Variants in CDH13 observed in about 807,000 individuals in gnomAD.
The protein encoded by CDH13 is cadherin 13, also known as cadherin-13.
In CDH13, 24 loss-of-function variants were observed where a neutral mutation model predicts 63.8. The observed-to-expected ratio is 0.38, with a 90% CI of 0.27 to 0.53. The LOEUF (loss-of-function observed/expected upper bound fraction) is 0.53. CDH13 is among the 20% of genes least tolerant of loss of function. The pLI is 0.85. For missense variants in CDH13, 1,049 were observed against 903.1 expected (o/e 1.16, Z -2.07); for synonymous variants, 503 against 355.3 (o/e 1.42, Z -4.67).
At chr16:83,110,129 T>C (rs1306616262) in intron 3 of CDH13, among the ~76,000 whole-genome samples, 1 of 152,232 alleles carries the variant, frequency 6.6e-6, no homozygotes, top group Non-Finnish European at 1.5e-5. Context: ...TTTTCAAATA[T>C]AGAGCTGGAT....
intron 7 of CDH13, among the ~76,000 whole-genome samples, chr16:83,554,739 A>G (rs116633421): frequency 0.011 from 1,719 of 152,274 alleles, 43 homozygotes; most frequent in African/African-American, 0.039. Context: ...TGCCTGTCCA[A>G]GTACAGACTG....
chr16:83,460,989 A>G (rs1215341506), intron 6 of CDH13, among the ~76,000 whole-genome samples: 3 of 122,046 alleles, frequency 2.5e-5, no homozygotes, highest in East Asian at 6.0e-4. Flanking sequence ...CAAAACACAC[A>G]CACACGCACA....
intron 5 of CDH13, among the ~76,000 whole-genome samples, chr16:83,319,517 G>A (rs1050034337): frequency 4.6e-5 from 7 of 152,124 alleles, no homozygotes; most frequent in African/African-American, 1.7e-4. Flanking sequence ...ATTGAATATC[G>A]GAGAACAGTA....
intron 1 of CDH13, among the ~76,000 whole-genome samples, chr16:82,789,250 G>T (rs2036170828): frequency 6.6e-6 from 1 of 152,140 alleles, no homozygotes; most frequent in Non-Finnish European, 1.5e-5. Flanking sequence ...ACGAAGAGTA[G>T]GTGTTCCTCA....
intron 6 of CDH13, among the ~76,000 whole-genome samples, chr16:83,467,550 G>A (rs1008285347): frequency 2.0e-5 from 3 of 152,186 alleles, no homozygotes; most frequent in Admixed American, 2.0e-4. Context: ...GAACAGAACT[G>A]GCAACCGCTT....
intron 2 of CDH13, among the ~76,000 whole-genome samples, chr16:82,875,540 T>C (rs1229711280): frequency 6.6e-6 from 1 of 152,214 alleles, no homozygotes; most frequent in Non-Finnish European, 1.5e-5. Flanking sequence ...TTCAAACTTT[T>C]ACAGTGAATG....
chr16:83,217,440 C>T lies in CDH13; in HGVS notation c.579C>T (p.Asn193=). The T allele has an allele frequency of 1.2e-6, 2 of 1,613,914 alleles. No individual in the cohort carries two copies. The highest frequency in any genetic ancestry group is 1.7e-6 in the Non-Finnish European group (2 of 1,179,806). Residue 193 remains asparagine (N), a synonymous_variant, in exon 5 of 14, where the codon AAC becomes AAT. Coordinates refer to ENST00000567109, the MANE Select transcript of CDH13 (RefSeq NM_001257.5). ...AAGGAATTTTCAGAATCAATGAGAA[C>T]ACAGGGAGCGTCTCCGTGACACGGA... is the stretch of plus-strand genomic sequence containing the variant. ...EPKGIFRINE[N]TGSVSVTRTL... is the part of the protein sequence containing the mutation.
chr16:83,712,951 C>T (rs1016997188), intron 10 of CDH13, among the ~76,000 whole-genome samples: 7 of 152,312 alleles, frequency 4.6e-5, no homozygotes, highest in Middle Eastern at 3.4e-3. Flanking sequence ...AGTAACAGTA[C>T]GATTCTGAGC....
At chr16:83,028,443 G>T (rs1430360172) in intron 2 of CDH13, among the ~76,000 whole-genome samples, 1 of 152,092 alleles carries the variant, frequency 6.6e-6, no homozygotes, top group Non-Finnish European at 1.5e-5. Context: ...GCGATCAAAA[G>T]GCACCGCAGC....
rs558968553 is a variant in CDH13, at chr16:83,046,557, A to G, written c.366+14339A>G. 1.4e-4 allele frequency among the ~76,000 whole-genome samples: 22 copies of G among 152,344 alleles called. No individual in the cohort carries two copies. The South Asian group carries it at 4.1e-3, about 29-fold the overall frequency. On this transcript the variant is annotated intron_variant, in intron 3 of 13. Transcript: ENST00000567109. ...AGGAAAATTTCAAATGCAAACAAAA[A>G]TCACATCTTATAGCTCTTAGCAATT...
chr16:83,036,596 G>A (rs1007458228), intron 3 of CDH13, among the ~76,000 whole-genome samples: 5 of 152,120 alleles, frequency 3.3e-5, no homozygotes, highest in Admixed American at 6.6e-5. Context: ...GACCAGCTCA[G>A]TGCCCTTCCC....
chr16:82,718,180 G>A (rs569310985), intron 1 of CDH13, among the ~76,000 whole-genome samples: 4 of 152,344 alleles, frequency 2.6e-5, no homozygotes, highest in South Asian at 4.1e-4. Flanking sequence ...GGCAGCTGGA[G>A]CTGAATCCCA....
chr16:83,478,570 C>T (rs967543246), intron 6 of CDH13, among the ~76,000 whole-genome samples: 1 of 152,166 alleles, frequency 6.6e-6, no homozygotes, highest in Non-Finnish European at 1.5e-5. Context: ...ATAACAACCC[C>T]TGGATAACTG....
rs1348655612 is a variant in CDH13 at position 83,730,967 on chromosome 16, A to G, written c.1539-17141A>G. 4.6e-5 allele frequency among the ~76,000 whole-genome samples: 7 copies of G among 152,244 alleles called. No homozygotes were observed. The East Asian group carries it at 1.3e-3, about 29-fold the overall frequency. ...GCTTAGGTTAATGGCCTCCAGCTGC[A>G]TCCATGTTGCTGCAAAGAACACAAT... is the stretch of plus-strand genomic sequence containing the variant. On this transcript the variant is annotated intron_variant, in intron 10 of 13. Transcript: ENST00000567109.
intron 1 of CDH13, among the ~76,000 whole-genome samples, chr16:82,776,891 G>T (rs1261487867): frequency 1.3e-5 from 2 of 152,170 alleles, no homozygotes; most frequent in Non-Finnish European, 2.9e-5. Flanking sequence ...GTGGAAGCTA[G>T]ACATTCAGAG....
intron 4 of CDH13, among the ~76,000 whole-genome samples, chr16:83,205,172 C>G (rs2039144805): frequency 6.6e-6 from 1 of 152,226 alleles, no homozygotes; most frequent in African/African-American, 2.4e-5. Flanking sequence ...TGACTTAAAG[C>G]AGAACAACCA....
chr16:82,836,748 C>T (rs1302789257), intron 1 of CDH13, among the ~76,000 whole-genome samples: 1 of 152,186 alleles, frequency 6.6e-6, no homozygotes, highest in African/African-American at 2.4e-5. Context: ...TAGAAAGGCT[C>T]TACCCCAACT....
chr16:83,511,207 A>T (rs1416394155), intron 7 of CDH13, among the ~76,000 whole-genome samples: 7 of 152,258 alleles, frequency 4.6e-5, no homozygotes, highest in Admixed American at 4.6e-4. Context: ...CACACCTGTG[A>T]TCCCAACACT....
chr16:83,451,550 T>C (rs1170845714), intron 6 of CDH13, among the ~76,000 whole-genome samples: 1 of 152,184 alleles, frequency 6.6e-6, no homozygotes, highest in Non-Finnish European at 1.5e-5. Flanking sequence ...GACAGGCTCT[T>C]CCGCTGTCAT....
Sources: gnomAD v4.1 joint callset for allele counts (sites outside exome capture counted in the v4.1 genomes callset) on GRCh38, gnomAD v4.1.1 for gene constraint, MANE v1.5 for transcripts, NCBI Gene and HGNC (gene_info 2026-07-23, HGNC 2026-07-21) for gene names.